The following LDLRAD3 variants were observed in gnomAD, a reference collection of about 807,000 sequenced individuals.
LDLRAD3 encodes low-density lipoprotein receptor class A domain-containing protein 3.
A neutral mutation model predicts 29.4 loss-of-function variants in LDLRAD3; 20 were observed. The observed-to-expected ratio is 0.68, with a 90% CI of 0.48 to 0.99. LDLRAD3 has a LOEUF of 0.99. Ranked by LOEUF, LDLRAD3 falls within the 50% of genes least tolerant of loss-of-function variation. LDLRAD3 has a pLI of 0.00. For missense variants in LDLRAD3, 420 were observed against 454.3 expected (o/e 0.92, Z 0.69); for synonymous variants, 157 against 192.7 (o/e 0.81, Z 1.53).
chr11:36,099,612 A>G (rs1336255670), intron 4 of LDLRAD3, among the ~76,000 whole-genome samples: 4 of 152,246 alleles, frequency 2.6e-5, no homozygotes, highest in African/African-American at 9.6e-5. Flanking sequence ...TAACTCATAT[A>G]TTGGGAGGTA....
intron 1 of LDLRAD3, among the ~76,000 whole-genome samples, chr11:36,022,446 A>G (rs1852109850): frequency 6.6e-6 from 1 of 151,606 alleles, no homozygotes; most frequent in Non-Finnish European, 1.5e-5. Flanking sequence ...TTTCTTTAAG[A>G]GGTTTTCTTG....
chr11:36,089,204 T>G (rs1372133432), intron 3 of LDLRAD3, among the ~76,000 whole-genome samples: 1 of 152,238 alleles, frequency 6.6e-6, no homozygotes, highest in Non-Finnish European at 1.5e-5. Flanking sequence ...TACTGAGCAC[T>G]TACCTTGTGT....
chr11:36,224,606 C>CACA (rs1177148435), intron 4 of LDLRAD3, among the ~76,000 whole-genome samples: 2 of 152,146 alleles, frequency 1.3e-5, no homozygotes, highest in African/African-American at 4.8e-5. Context: ...CCCCTATTTG[C>CACA]TTCTTTCTGT....
At chr11:36,196,367 A>AC (rs1855033370) in intron 4 of LDLRAD3, 2 of 152,236 alleles carry the variant, frequency 1.3e-5, no homozygotes, top group African/African-American at 2.4e-5. Context: ...CGTTTGTAGG[A>AC]CAAGTTGTCA....
chr11:35,996,642 T>G (rs1373043889), intron 1 of LDLRAD3, among the ~76,000 whole-genome samples: 1 of 152,164 alleles, frequency 6.6e-6, no homozygotes, highest in Non-Finnish European at 1.5e-5. Flanking sequence ...CAAAATGAGA[T>G]TTGCCTGCAC....
chr11:36,091,689 C>T (rs1853283244), intron 3 of LDLRAD3, among the ~76,000 whole-genome samples: 1 of 152,144 alleles, frequency 6.6e-6, no homozygotes, highest in Admixed American at 6.5e-5. Context: ...TAGAATGTTC[C>T]TCTCCCCAGT....
At chr11:36,144,501 C>T (rs1373096221) in intron 4 of LDLRAD3, among the ~76,000 whole-genome samples, 1 of 150,756 alleles carries the variant, frequency 6.6e-6, no homozygotes. Context: ...TCTGCCTGGC[C>T]GCCCATCGTC....
At chr11:36,011,628 C>T (rs1249840510) in intron 1 of LDLRAD3, among the ~76,000 whole-genome samples, 2 of 152,116 alleles carry the variant, frequency 1.3e-5, no homozygotes, top group Non-Finnish European at 2.9e-5. Flanking sequence ...GCAATTGTAA[C>T]TTATGTATTC....
At chr11:36,087,706 G>A (rs1023592861) in intron 3 of LDLRAD3, among the ~76,000 whole-genome samples, 1 of 151,842 alleles carries the variant, frequency 6.6e-6, no homozygotes. Context: ...CAAAAACCCA[G>A]TATATATAAT....
intron 4 of LDLRAD3, among the ~76,000 whole-genome samples, chr11:36,176,840 TCTC>T (rs1854685798): frequency 6.6e-6 from 1 of 152,240 alleles, no homozygotes; most frequent in South Asian, 2.1e-4. Context: ...TTGAGCTTCT[TCTC>T]TTTCAATGTC....
At chr11:36,100,383 G>C (rs1853428289) in intron 4 of LDLRAD3, among the ~76,000 whole-genome samples, 1 of 152,156 alleles carries the variant, frequency 6.6e-6, no homozygotes, top group Admixed American at 6.5e-5. Context: ...GCAAAATCAA[G>C]TAAGTATTAG....
At chr11:36,123,212 T>A (rs1396772781) in intron 4 of LDLRAD3, among the ~76,000 whole-genome samples, 3 of 152,104 alleles carry the variant, frequency 2.0e-5, no homozygotes, top group Non-Finnish European at 2.9e-5. Flanking sequence ...ATAATAATAA[T>A]AAAAGTGTGG....
At chr11:36,093,607 G>T (rs566199717) in intron 3 of LDLRAD3, among the ~76,000 whole-genome samples, 4 of 152,060 alleles carry the variant, frequency 2.6e-5, no homozygotes, top group African/African-American at 7.2e-5. Context: ...TCCCTGCCCC[G>T]CCCAGGCCTT....
intron 1 of LDLRAD3, among the ~76,000 whole-genome samples, chr11:36,004,217 C>T (rs374942924): frequency 1.3e-5 from 2 of 152,362 alleles, no homozygotes; most frequent in South Asian, 2.1e-4. Flanking sequence ...TAAATCCCTT[C>T]TGCCTATGAG....
At chr11:36,076,526 C>T (rs1328017223) in intron 2 of LDLRAD3, among the ~76,000 whole-genome samples, 1 of 152,104 alleles carries the variant, frequency 6.6e-6, no homozygotes, top group Non-Finnish European at 1.5e-5. Context: ...GCTGGGACTA[C>T]AGGTGCCCGC....
At chr11:36,103,526 A>G (rs1853482591) in intron 4 of LDLRAD3, among the ~76,000 whole-genome samples, 1 of 152,190 alleles carries the variant, frequency 6.6e-6, no homozygotes, top group Non-Finnish European at 1.5e-5. Flanking sequence ...GGCGTGAGCC[A>G]CCGTGCCTGG....
chr11:36,170,371 T>C (rs913212261), intron 4 of LDLRAD3, among the ~76,000 whole-genome samples: 5 of 151,070 alleles, frequency 3.3e-5, no homozygotes, highest in African/African-American at 4.9e-5. Context: ...CACACACACA[T>C]ATATATCTGA....
chr11:36,000,496 A>T (rs1402920714), intron 1 of LDLRAD3, among the ~76,000 whole-genome samples: 2 of 140,434 alleles, frequency 1.4e-5, no homozygotes, highest in African/African-American at 5.0e-5. Flanking sequence ...TTTATTACTT[A>T]AAAAAGATAG....
intron 4 of LDLRAD3, among the ~76,000 whole-genome samples, chr11:36,208,417 A>G (rs752116754): frequency 1.3e-5 from 2 of 152,174 alleles, no homozygotes; most frequent in East Asian, 3.9e-4. Context: ...ATACTACCCT[A>G]TTGCTGCATC....
Sources: gnomAD v4.1 joint callset for allele counts (sites outside exome capture counted in the v4.1 genomes callset) on GRCh38, gnomAD v4.1.1 for gene constraint, MANE v1.5 for transcripts, NCBI Gene and HGNC (gene_info 2026-07-23, HGNC 2026-07-21) for gene names.